Variants in MRPS28 observed in about 807,000 individuals in gnomAD.
MRPS28 encodes small ribosomal subunit protein bS1m.
Under a neutral mutation model 10.8 loss-of-function variants are expected in MRPS28, and 7 were observed. The observed-to-expected ratio is 0.65, with a 90% CI of 0.37 to 1.22. The LOEUF (loss-of-function observed/expected upper bound fraction) is 1.22. MRPS28 is among the 50% of genes most tolerant of loss of function. MRPS28 has a pLI of 0.02. For missense variants in MRPS28, 265 were observed against 232.9 expected (o/e 1.14, Z -0.90); for synonymous variants, 121 against 93.3 (o/e 1.30, Z -1.71).
At position 80,013,979 on chromosome 8, in the gene MRPS28, A is replaced by G. The variant is rs528518057; in HGVS notation, c.214-10799T>C. Among the ~76,000 whole-genome samples, 37 of 152,322 alleles carry G rather than the reference A, an allele frequency of 2.4e-4. 1 individual carries two copies. In the Middle Eastern group the frequency reaches 0.01, roughly 42 times the overall value. On this transcript the variant is annotated intron_variant, in intron 1 of 2. Coordinates refer to ENST00000276585, the MANE Select transcript of MRPS28 (RefSeq NM_014018.3). Reference sequence around the variant, plus strand: ...ATTGTAAAAATTATAAACTCTCAATATTGAAGAGAACAGATGGAGAACAAA... The same window carrying G: ...ATTGTAAAAATTATAAACTCTCAATGTTGAAGAGAACAGATGGAGAACAAA...
chr8:80,008,117 CGT>C (rs1491338736), intron 1 of MRPS28, among the ~76,000 whole-genome samples: 2 of 152,106 alleles, frequency 1.3e-5, no homozygotes, highest in African/African-American at 4.8e-5. Flanking sequence ...GAAATAAAGC[CGT>C]GTATCTACAA....
At chr8:79,933,037 T>C (rs1369702542) in intron 2 of MRPS28, among the ~76,000 whole-genome samples, 2 of 152,240 alleles carry the variant, frequency 1.3e-5, no homozygotes, top group Non-Finnish European at 2.9e-5. Flanking sequence ...TTTTCAAAGA[T>C]GTGCAGTGGG....
chr8:79,939,459 T>TA (rs764182970), intron 2 of MRPS28, among the ~76,000 whole-genome samples: 24 of 151,568 alleles, frequency 1.6e-4, no homozygotes, highest in Non-Finnish European at 2.7e-4. Flanking sequence ...ATATTGTGAT[T>TA]AAAAAAAAAT....
intron 1 of MRPS28, among the ~76,000 whole-genome samples, chr8:80,017,663 C>T (rs1809231615): frequency 1.3e-5 from 2 of 152,126 alleles, no homozygotes; most frequent in South Asian, 4.1e-4. Context: ...GTGAGTTCTA[C>T]CAAACATTTA....
intron 2 of MRPS28, among the ~76,000 whole-genome samples, chr8:79,936,554 T>C (rs1206351412): frequency 8.5e-5 from 13 of 152,214 alleles, no homozygotes; most frequent in Admixed American, 8.5e-4. Context: ...ATGTTTACTG[T>C]ACTTTATTTA....
At chr8:79,986,839 G>A (rs1808196213) in intron 2 of MRPS28, among the ~76,000 whole-genome samples, 1 of 152,032 alleles carries the variant, frequency 6.6e-6, no homozygotes, top group Admixed American at 6.5e-5. Flanking sequence ...TCATGAAAAT[G>A]GCCATACTGC....
chr8:79,986,452 G>A (rs1344911335), intron 2 of MRPS28, among the ~76,000 whole-genome samples: 1 of 152,144 alleles, frequency 6.6e-6, no homozygotes. Flanking sequence ...AGGAAATAAA[G>A]GGTATTCAAT....
At chr8:79,951,871 A>G (rs1308990049) in intron 2 of MRPS28, among the ~76,000 whole-genome samples, 2 of 152,208 alleles carry the variant, frequency 1.3e-5, no homozygotes, top group East Asian at 3.8e-4. Context: ...CTAGAATAAA[A>G]TATTACAAAA....
intron 2 of MRPS28, among the ~76,000 whole-genome samples, chr8:79,930,662 T>C (rs1208807240): frequency 2.2e-4 from 33 of 152,194 alleles, no homozygotes; most frequent in Non-Finnish European, 2.8e-4. Context: ...AAGTATTCCC[T>C]AATCTCTGGG....
At chr8:79,973,996 C>T (rs1807712476) in intron 2 of MRPS28, among the ~76,000 whole-genome samples, 1 of 152,064 alleles carries the variant, frequency 6.6e-6, no homozygotes, top group East Asian at 1.9e-4. Context: ...AAATGATCCT[C>T]GGCCTCACAA....
At chr8:79,927,782 C>T (rs1206866258) in intron 2 of MRPS28, among the ~76,000 whole-genome samples, 1 of 152,176 alleles carries the variant, frequency 6.6e-6, no homozygotes, top group Admixed American at 6.5e-5. Context: ...TCATGGATCC[C>T]TTTTGGAAAG....
intron 2 of MRPS28, among the ~76,000 whole-genome samples, chr8:79,947,926 C>T (rs1158980495): frequency 1.1e-4 from 16 of 148,950 alleles, no homozygotes; most frequent in South Asian, 8.6e-4. Flanking sequence ...TATGAGCCAC[C>T]GCGCCTGGCC....
At chr8:80,020,560 C>G (rs540947724) in intron 1 of MRPS28, among the ~76,000 whole-genome samples, 2 of 152,070 alleles carry the variant, frequency 1.3e-5, no homozygotes, top group South Asian at 2.1e-4. Flanking sequence ...TATCAAGGAG[C>G]CTTTTTAAAG....
At chr8:79,980,996 T>C (rs1256323009) in intron 2 of MRPS28, among the ~76,000 whole-genome samples, 2 of 152,204 alleles carry the variant, frequency 1.3e-5, no homozygotes, top group Non-Finnish European at 2.9e-5. Flanking sequence ...AAACTTCAGA[T>C]GTCCTCTTCA....
At chr8:80,002,822 C>T (rs553270417) in intron 2 of MRPS28, among the ~76,000 whole-genome samples, 177 bp downstream of exon 2, 1 of 152,338 alleles carries the variant, frequency 6.6e-6, no homozygotes, top group South Asian at 2.1e-4. Context: ...AGATATGAGT[C>T]TGGCCTGACA....
chr8:79,934,325 T>A (rs556342990), intron 2 of MRPS28, among the ~76,000 whole-genome samples: 1 of 152,344 alleles, frequency 6.6e-6, no homozygotes, highest in African/African-American at 2.4e-5. Context: ...CAACCCCATC[T>A]AATTAGGGTT....
chr8:79,956,118 C>A (rs1390945228), intron 2 of MRPS28, among the ~76,000 whole-genome samples: 1 of 151,970 alleles, frequency 6.6e-6, no homozygotes, highest in Non-Finnish European at 1.5e-5. Context: ...GCCTTTGAAA[C>A]AACTTTTTGT....
intron 1 of MRPS28, among the ~76,000 whole-genome samples, chr8:80,018,629 A>T (rs1189641307): frequency 1.3e-5 from 2 of 152,238 alleles, no homozygotes; most frequent in Admixed American, 1.3e-4. Flanking sequence ...CATATGATCC[A>T]GCAATCCCAC....
chr8:79,927,823 G>A (rs972710375), intron 2 of MRPS28, among the ~76,000 whole-genome samples: 16 of 152,206 alleles, frequency 1.1e-4, no homozygotes, highest in African/African-American at 3.6e-4. Flanking sequence ...TATTGCAGTA[G>A]AGTATGTAGG....
Sources: allele counts gnomAD v4.1 joint callset (sites outside exome capture counted in the v4.1 genomes callset), GRCh38; gene constraint gnomAD v4.1.1; transcripts MANE v1.5; gene names NCBI Gene and HGNC (gene_info 2026-07-23, HGNC 2026-07-21).